LSAMP: variants seen among roughly 807,000 people sequenced by gnomAD.
LSAMP encodes the protein limbic system-associated membrane protein.
In LSAMP, 7 loss-of-function variants were observed where a neutral mutation model predicts 38.6. The ratio of observed to expected loss-of-function variants is 0.18; its 90% CI spans 0.10 to 0.34. The LOEUF is 0.34. LSAMP is among the 10% of genes least tolerant of loss of function. The pLI is 1.00. For missense variants in LSAMP, 313 were observed against 420.0 expected, an observed-to-expected ratio of 0.75 and a Z score of 2.23; for synonymous variants, 154 against 166.8, an observed-to-expected ratio of 0.92 and a Z score of 0.59.
intron 1 of LSAMP, among the ~76,000 whole-genome samples, chr3:116,342,545 T>G (rs903205708): frequency 2.0e-5 from 3 of 152,106 alleles, no homozygotes; most frequent in Non-Finnish European, 4.4e-5. Flanking sequence ...GAGGAATATG[T>G]TTTGATATGG....
intron 6 of LSAMP, among the ~76,000 whole-genome samples, chr3:115,815,139 CAGAG>C (rs547433540): frequency 2.6e-5 from 4 of 151,346 alleles, no homozygotes; most frequent in South Asian, 2.1e-4. Context: ...ATAAGATGTT[CAGAG>C]AGAGAGAGAG....
intron 3 of LSAMP, among the ~76,000 whole-genome samples, chr3:115,992,631 A>G (rs1939704457): frequency 6.6e-6 from 1 of 152,088 alleles, no homozygotes; most frequent in Admixed American, 6.6e-5. Flanking sequence ...AAGCTTTTCA[A>G]AAATGCATTT....
intron 1 of LSAMP, among the ~76,000 whole-genome samples, chr3:116,321,009 C>T (rs915104905): frequency 4.6e-5 from 7 of 152,186 alleles, no homozygotes; most frequent in South Asian, 2.1e-4. Flanking sequence ...AGGGTATCTT[C>T]GCATAGAAAA....
At chr3:116,381,830 G>A (rs547431558) in intron 1 of LSAMP, among the ~76,000 whole-genome samples, 2 of 152,182 alleles carry the variant, frequency 1.3e-5, no homozygotes, top group East Asian at 3.9e-4. Context: ...ATCGGCATGT[G>A]AACATCAGTG....
intron 3 of LSAMP, among the ~76,000 whole-genome samples, chr3:115,886,188 T>C (rs552215285): frequency 1.3e-5 from 2 of 152,026 alleles, no homozygotes; most frequent in South Asian, 4.1e-4. Context: ...GTAATGCAAA[T>C]GCTAATGTCT....
intron 1 of LSAMP, among the ~76,000 whole-genome samples, chr3:116,372,297 T>C (rs1173593500): frequency 6.6e-6 from 1 of 151,910 alleles, no homozygotes; most frequent in Non-Finnish European, 1.5e-5. Flanking sequence ...TCGACAAGGG[T>C]ACCAAGACTA....
Position 116,052,259 on chromosome 3 carries a change from T to C in LSAMP, c.389-32619A>G, listed in dbSNP as rs1412820841. Among the ~76,000 whole-genome samples the C allele has an allele frequency of 2.6e-5, 4 of 151,616 alleles. No individual in the cohort carries two copies. In the East Asian group the frequency reaches 7.8e-4, roughly 29 times the overall value. On this transcript the variant is annotated intron_variant, in intron 2 of 6. Transcript: ENST00000490035. ...GGAGGAGGACAGAAGTAGAAGTGGA[T>C]GATAAAGAAGAGGTGGAACAGCAGC...
chr3:116,109,198 T>C (rs150416309), intron 1 of LSAMP, among the ~76,000 whole-genome samples: 114 of 152,318 alleles, frequency 7.5e-4, no homozygotes, highest in Middle Eastern at 6.8e-3. Context: ...ACTATGCCTT[T>C]GGCTCCAGCC....
intron 1 of LSAMP, among the ~76,000 whole-genome samples, chr3:116,438,768 C>A (rs2049389623): frequency 6.6e-6 from 1 of 152,166 alleles, no homozygotes; most frequent in Non-Finnish European, 1.5e-5. Context: ...GAATAATAAG[C>A]TTTATGTTAT....
chr3:115,973,944 C>A (rs1939101646), intron 3 of LSAMP, among the ~76,000 whole-genome samples: 1 of 152,086 alleles, frequency 6.6e-6, no homozygotes, highest in Non-Finnish European at 1.5e-5. Context: ...TAGGAATGCA[C>A]AACCTATACC....
chr3:116,278,095 G>A (rs1022177988), intron 1 of LSAMP, among the ~76,000 whole-genome samples: 9 of 152,096 alleles, frequency 5.9e-5, no homozygotes, highest in East Asian at 1.9e-4. Flanking sequence ...TATTACTACA[G>A]GTAAAATCCT....
At chr3:115,991,229 C>T (rs1161350922) in intron 3 of LSAMP, among the ~76,000 whole-genome samples, 2 of 152,034 alleles carry the variant, frequency 1.3e-5, no homozygotes, top group East Asian at 1.9e-4. Context: ...CTTTGGAAAG[C>T]TTTGCCAAGA....
rs1393081890 is a variant in LSAMP at position 116,445,020 on chromosome 3, T to C, written c.12A>G (p.Arg4=). 1.2e-6 allele frequency: 2 copies of C among 1,611,940 alleles called. No homozygotes were observed. The highest frequency in any genetic ancestry group is 2.2e-5 in the East Asian group (1 of 44,796). ...GCAACTGTTTCCGATCCGGCTGAAC[T>C]CTCCTGACCATGGTGGCCACGCCGA... MVR[R]VQPDRKQLPL... The change falls in exon 1 of 7, where the codon AGA becomes AGG. Residue 4 remains arginine (R), a synonymous_variant. Coordinates refer to ENST00000490035, the MANE Select transcript of LSAMP (RefSeq NM_002338.5).
intron 3 of LSAMP, among the ~76,000 whole-genome samples, chr3:116,008,832 C>T (rs538450871): frequency 2.3e-4 from 35 of 152,118 alleles, no homozygotes; most frequent in South Asian, 1.0e-3. Flanking sequence ...GCTTTCTCCA[C>T]CTGTAGTCCA....
chr3:116,296,725 A>G (rs1193676230), intron 1 of LSAMP, among the ~76,000 whole-genome samples: 1 of 117,086 alleles, frequency 8.5e-6, no homozygotes, highest in African/African-American at 3.3e-5. Context: ...AAAAAAAAAG[A>G]AACCCATAAA....
chr3:116,140,449 G>A (rs1289751845), intron 1 of LSAMP, among the ~76,000 whole-genome samples: 4 of 151,778 alleles, frequency 2.6e-5, no homozygotes, highest in Non-Finnish European at 5.9e-5. Context: ...TTATTTAAAC[G>A]CGATGAGATC....
chr3:115,880,210 G>C (rs1260816752), intron 3 of LSAMP, among the ~76,000 whole-genome samples: 1 of 152,012 alleles, frequency 6.6e-6, no homozygotes, highest in Non-Finnish European at 1.5e-5. Context: ...AATGACTTAG[G>C]CTAGACTAAT....
chr3:115,957,658 G>T (rs1051707247), intron 3 of LSAMP, among the ~76,000 whole-genome samples: 1 of 152,116 alleles, frequency 6.6e-6, no homozygotes, highest in African/African-American at 2.4e-5. Context: ...TCAAATGCCC[G>T]CATGGTATAA....
At position 115,808,148 on chromosome 3, in the gene LSAMP, CCCCCCCTT is replaced by C. The variant is rs1933685669; in HGVS notation, c.*2161_*2168del. 2.4e-5 allele frequency: 2 copies of C among 81,694 alleles called. No homozygotes were observed. Among genetic ancestry groups the C allele is most frequent in the Non-Finnish European group, 4.8e-5 (2 of 41,974 alleles). 5.1% of individuals were successfully genotyped at this position (81,694 alleles called of 1,614,324 possible). ...TCCCTCCCTCCCTCCCTCCCTCCCT[CCCCCCCTT>C]CCCCGTCCCCCCCTCCCTGCCTTCC... On this transcript the variant is annotated 3_prime_UTR_variant, in exon 7 of 7. Transcript: ENST00000490035.
Sources: gnomAD v4.1 joint callset for allele counts (sites outside exome capture counted in the v4.1 genomes callset) on GRCh38, gnomAD v4.1.1 for gene constraint, MANE v1.5 for transcripts, NCBI Gene and HGNC (gene_info 2026-07-23, HGNC 2026-07-21) for gene names.